Variants in KCNMA1 observed in about 807,000 individuals in gnomAD.
KCNMA1 encodes Calcium-activated potassium channel subunit alpha-1.
In KCNMA1, 29 loss-of-function variants were observed where a neutral mutation model predicts 140.0. The observed-to-expected ratio is 0.21, with a 90% CI of 0.15 to 0.28. KCNMA1 has a LOEUF of 0.28. Among genes scored for constraint, KCNMA1 ranks in the 10% least tolerant of loss-of-function variants. The probability of loss-of-function intolerance (pLI) is 1.00; values close to 1 mark genes in which losing one functional copy is unlikely to be tolerated. For missense variants in KCNMA1, 880 were observed against 1,602.2 expected, an observed-to-expected ratio of 0.55 and a Z score of 7.70; for synonymous variants, 612 against 611.9, an observed-to-expected ratio of 1.00 and a Z score of 0.00.
At chr10:77,306,844 A>T (rs1488084412) in intron 2 of KCNMA1, among the ~76,000 whole-genome samples, 1 of 152,208 alleles carries the variant, frequency 6.6e-6, no homozygotes, top group Non-Finnish European at 1.5e-5. Flanking sequence ...CTTACGCAAA[A>T]AGGGCAGGGC....
chr10:77,634,213 A>G, intron 1 of KCNMA1: 1 of 985,412 alleles, frequency 1.0e-6, no homozygotes. Context: ...CCAAGTGAAT[A>G]GAGAGCTCTG....
At chr10:76,884,785 A>AGAGGGAAAGGG, downstream of KCNMA1, 2 of 649,806 alleles carry the variant, frequency 3.1e-6, no homozygotes, top group Admixed American at 3.7e-5. Context: ...AGGGAAAAGG[A>AGAGGGAAAGGG]GAGGGAAAGG....
intron 1 of KCNMA1, among the ~76,000 whole-genome samples, chr10:77,630,826 G>A (rs999334773): frequency 3.2e-4 from 49 of 151,970 alleles, no homozygotes; most frequent in African/African-American, 1.1e-3. Flanking sequence ...GTTTGACTAA[G>A]CCAGGCACAG....
chr10:76,953,489 C>A (rs1373984546), intron 21 of KCNMA1, among the ~76,000 whole-genome samples: 1 of 152,136 alleles, frequency 6.6e-6, no homozygotes, highest in Non-Finnish European at 1.5e-5. Flanking sequence ...ATAATTGGTA[C>A]AGGCAGGCTC....
chr10:77,416,985 C>T (rs529036370), intron 1 of KCNMA1, among the ~76,000 whole-genome samples: 1 of 152,282 alleles, frequency 6.6e-6, no homozygotes, highest in Non-Finnish European at 1.5e-5. Context: ...CTGCCGGCTG[C>T]CCTCCCCACT....
intron 18 of KCNMA1, among the ~76,000 whole-genome samples, chr10:77,003,084 T>C (rs2087036499): frequency 6.6e-6 from 1 of 152,178 alleles, no homozygotes; most frequent in Admixed American, 6.5e-5. Flanking sequence ...TGACTTGCCA[T>C]ACAGTATATT....
chr10:76,970,542 C>T (rs1054763317), intron 19 of KCNMA1: 8 of 208,726 alleles, frequency 3.8e-5, no homozygotes, highest in African/African-American at 1.6e-4. Context: ...GGTTCCTAAC[C>T]CCTGCATACC....
chr10:77,608,882 G>A (rs981887841), intron 1 of KCNMA1, among the ~76,000 whole-genome samples: 16 of 152,142 alleles, frequency 1.1e-4, no homozygotes, highest in African/African-American at 3.1e-4. Flanking sequence ...TCAAAGCCAC[G>A]ATGAGTTATA....
At chr10:77,159,716 A>G (rs554438555) in intron 5 of KCNMA1, among the ~76,000 whole-genome samples, 1 of 152,264 alleles carries the variant, frequency 6.6e-6, no homozygotes, top group East Asian at 1.9e-4. Context: ...GGAACCAGCC[A>G]GAACACCACC....
intron 1 of KCNMA1, among the ~76,000 whole-genome samples, chr10:77,618,360 G>T (rs982573598): frequency 1.3e-5 from 2 of 152,148 alleles, no homozygotes; most frequent in Admixed American, 6.5e-5. Flanking sequence ...GGACTCACAG[G>T]TCCCTGTTGC....
At chr10:77,425,763 G>C (rs1199682749) in intron 1 of KCNMA1, among the ~76,000 whole-genome samples, 3 of 152,164 alleles carry the variant, frequency 2.0e-5, no homozygotes, top group Non-Finnish European at 4.4e-5. Context: ...CCAAAGGCAG[G>C]AGGACATTTA....
At chr10:77,400,904 C>G (rs1273802608) in intron 2 of KCNMA1, among the ~76,000 whole-genome samples, 1 of 151,926 alleles carries the variant, frequency 6.6e-6, no homozygotes, top group African/African-American at 2.4e-5. Context: ...CCAATGAGTT[C>G]CATTTCCATG....
At chr10:77,007,653 G>GCATATATATATATA (rs1336725087) in intron 18 of KCNMA1, among the ~76,000 whole-genome samples, 32 of 88,482 alleles carry the variant, frequency 3.6e-4, no homozygotes, top group Non-Finnish European at 6.1e-4. Flanking sequence ...TTGTGTGTGT[G>GCATATATATATATA]TATATATATA....
At chr10:77,474,099 T>G (rs2098226543) in intron 1 of KCNMA1, among the ~76,000 whole-genome samples, 2 of 152,288 alleles carry the variant, frequency 1.3e-5, no homozygotes, top group South Asian at 2.1e-4. Flanking sequence ...ACATTCTCCC[T>G]TGATCATTCA....
chr10:77,576,837 G>A (rs1019394293), intron 1 of KCNMA1, among the ~76,000 whole-genome samples: 6 of 152,122 alleles, frequency 3.9e-5, no homozygotes, highest in East Asian at 1.9e-4. Flanking sequence ...CTGGTAACCT[G>A]TCCAAGTCAT....
At chr10:77,519,801 T>C (rs896789414) in intron 1 of KCNMA1, among the ~76,000 whole-genome samples, 3 of 152,216 alleles carry the variant, frequency 2.0e-5, no homozygotes, top group African/African-American at 7.2e-5. Flanking sequence ...TGCATTCTGT[T>C]TGGTGCAAGT....
At chr10:77,396,550 C>T (rs1209094930) in intron 2 of KCNMA1, among the ~76,000 whole-genome samples, 3 of 152,198 alleles carry the variant, frequency 2.0e-5, no homozygotes, top group Admixed American at 2.0e-4. Flanking sequence ...AGTGAATGTA[C>T]ATCTATTTAA....
Position 76,885,238 on chromosome 10 carries a change from G to C in KCNMA1, c.*2028C>G, listed in dbSNP as rs1009001330. On this transcript the variant is annotated 3_prime_UTR_variant, in exon 28 of 28. Coordinates refer to ENST00000286628, the MANE Select transcript of KCNMA1 (RefSeq NM_001161352.2). ...ATAGTTATATATATATAATTATATA[G>C]TTATATATATATAATTATATATAGT... The C allele has an allele frequency of 1.6e-5, 7 of 447,230 alleles. No homozygotes were observed. Among genetic ancestry groups the C allele is most frequent in the East Asian group, 1.4e-4 (1 of 7,338 alleles). 27.7% of individuals were successfully genotyped at this position (447,230 alleles called of 1,614,324 possible). A position where few individuals can be genotyped will look rare whatever the true frequency, so the allele number is the denominator to read the frequency against.
intron 6 of KCNMA1, among the ~76,000 whole-genome samples, chr10:77,113,408 T>C (rs1380895255): frequency 6.6e-6 from 1 of 152,090 alleles, no homozygotes; most frequent in African/African-American, 2.4e-5. Flanking sequence ...TGAACCTAGG[T>C]TGTCTTCTAT....
Sources: gnomAD v4.1 joint callset for allele counts (sites outside exome capture counted in the v4.1 genomes callset) on GRCh38, gnomAD v4.1.1 for gene constraint, MANE v1.5 for transcripts, NCBI Gene and HGNC (gene_info 2026-07-23, HGNC 2026-07-21) for gene names.